Variants in CNTNAP2 observed in about 807,000 individuals in gnomAD.
CNTNAP2 encodes the protein contactin associated protein 2, also known as contactin-associated protein-like 2.
In CNTNAP2, 98 loss-of-function variants were observed where a neutral mutation model predicts 155.2. That is an observed-to-expected ratio of 0.63 (90% CI 0.54 to 0.75). The LOEUF (loss-of-function observed/expected upper bound fraction) is 0.75, where lower values mean the gene tolerates loss of function less well. CNTNAP2 is among the 30% of genes least tolerant of loss of function. The probability of loss-of-function intolerance (pLI) is 0.00; values close to 1 mark genes in which losing one functional copy is unlikely to be tolerated. For missense variants in CNTNAP2, 1,727 were observed against 1,688.1 expected (o/e 1.02, Z -0.40); for synonymous variants, 651 against 631.2 (o/e 1.03, Z -0.47).
At chr7:146,525,558 ATCTATCTATCTATCTATCTC>A (rs1407941128) in intron 1 of CNTNAP2, among the ~76,000 whole-genome samples, 21 of 147,218 alleles carry the variant, frequency 1.4e-4, no homozygotes, top group African/African-American at 4.9e-4. Context: ...CTATCTATCT[ATCTATCTATCTATCTATCTC>A]TCTATCTATC....
At chr7:146,298,020 A>G (rs937942247) in intron 1 of CNTNAP2, among the ~76,000 whole-genome samples, 16 of 152,208 alleles carry the variant, frequency 1.1e-4, no homozygotes, top group African/African-American at 3.1e-4. Flanking sequence ...TGCTGTGAGC[A>G]TGAAAGAAAG....
chr7:146,450,127 A>C (rs1350312543), intron 1 of CNTNAP2, among the ~76,000 whole-genome samples: 1 of 152,160 alleles, frequency 6.6e-6, no homozygotes, highest in Non-Finnish European at 1.5e-5. Context: ...AGGAGATAAA[A>C]CAACAACAAC....
chr7:147,691,382 T>C (rs1042770737), intron 13 of CNTNAP2, among the ~76,000 whole-genome samples: 3 of 152,016 alleles, frequency 2.0e-5, no homozygotes, highest in Admixed American at 1.3e-4. Flanking sequence ...AAATATTCCC[T>C]GTGTGGCTTA....
intron 1 of CNTNAP2, among the ~76,000 whole-genome samples, chr7:146,280,018 T>C (rs953136111): frequency 2.0e-5 from 3 of 152,136 alleles, no homozygotes; most frequent in African/African-American, 7.2e-5. Context: ...TTAAACTAGA[T>C]TGAAGTAACT....
rs576481866 is a variant in CNTNAP2, at chr7:147,354,088, C to T, written c.1499-41521C>T. Among the ~76,000 whole-genome samples, 65 of 152,122 alleles carry T rather than the reference C, an allele frequency of 4.3e-4. 2 individuals carry two copies. In the South Asian group the frequency reaches 0.014, roughly 32 times the overall value. ...AATTTTCTCCCATTCTGTAGGTTGCCTAGTCACTCTGATGATAGTTTCTTT... is the reference window on the plus strand; with the variant it reads ...AATTTTCTCCCATTCTGTAGGTTGCTTAGTCACTCTGATGATAGTTTCTTT... On this transcript the variant is annotated intron_variant, in intron 9 of 23. Transcript: ENST00000361727.
chr7:147,902,778 TTGTGTGTGTGTG>T (rs564991239), intron 13 of CNTNAP2, among the ~76,000 whole-genome samples: 1,418 of 136,818 alleles, frequency 0.01, 29 homozygotes, highest in African/African-American at 0.037. Flanking sequence ...TCATATATGT[TTGTGTGTGTGTG>T]TGTGTGTGTG....
intron 1 of CNTNAP2, among the ~76,000 whole-genome samples, chr7:146,373,785 A>C (rs961675754): frequency 6.6e-6 from 1 of 152,216 alleles, no homozygotes; most frequent in Admixed American, 6.5e-5. Flanking sequence ...CATACGGAAG[A>C]TCCACAATGG....
intron 1 of CNTNAP2, among the ~76,000 whole-genome samples, chr7:146,132,657 T>C (rs1343058194): frequency 2.0e-5 from 3 of 150,276 alleles, no homozygotes; most frequent in African/African-American, 2.4e-5. Context: ...TGAGTGAGAA[T>C]ATGCGGTGTT....
At chr7:147,682,281 A>G (rs1220921548) in intron 13 of CNTNAP2, among the ~76,000 whole-genome samples, 2 of 151,972 alleles carry the variant, frequency 1.3e-5, no homozygotes, top group African/African-American at 2.4e-5. Context: ...ACTGCTAATT[A>G]GAATATGCAA....
chr7:147,940,496 TA>T (rs1185673071), intron 14 of CNTNAP2, among the ~76,000 whole-genome samples: 2 of 151,998 alleles, frequency 1.3e-5, no homozygotes, highest in African/African-American at 2.4e-5. Flanking sequence ...TTTCTACACA[TA>T]AAAGAGATTC....
At chr7:146,370,369 C>A (rs1047579357) in intron 1 of CNTNAP2, among the ~76,000 whole-genome samples, 1 of 150,480 alleles carries the variant, frequency 6.6e-6, no homozygotes, top group Non-Finnish European at 1.5e-5. Flanking sequence ...ACCCAGCATG[C>A]GGAGGTTGCA....
intron 8 of CNTNAP2, among the ~76,000 whole-genome samples, chr7:147,283,919 T>A (rs1193280151): frequency 6.6e-6 from 1 of 151,848 alleles, no homozygotes; most frequent in Non-Finnish European, 1.5e-5. Flanking sequence ...CCCAAGATTC[T>A]ATGACGTTAC....
At position 146,246,456 on chromosome 7, in the gene CNTNAP2, C is replaced by T. The variant is rs1000305984; in HGVS notation, c.97+129483C>T. ...GTGGGGGTTTTAAGAGGTTTAGAAGCCTGGCCGTCAATACCCACAACAGTT... is the reference window on the plus strand; with the variant it reads ...GTGGGGGTTTTAAGAGGTTTAGAAGTCTGGCCGTCAATACCCACAACAGTT... On this transcript the variant is annotated intron_variant, in intron 1 of 23. Transcript: ENST00000361727. 2.2e-4 allele frequency among the ~76,000 whole-genome samples: 33 copies of T among 149,410 alleles called. 3 individuals carry two copies. Among genetic ancestry groups the T allele is most frequent in the African/African-American group, 7.4e-4 (29 of 39,060 alleles).
intron 13 of CNTNAP2, among the ~76,000 whole-genome samples, chr7:147,718,120 T>C (rs1392757880): frequency 6.6e-6 from 1 of 152,250 alleles, no homozygotes; most frequent in Non-Finnish European, 1.5e-5. Flanking sequence ...GTCAGCATGA[T>C]TAATTGTAAT....
chr7:147,871,001 A>G (rs1177908665), intron 13 of CNTNAP2, among the ~76,000 whole-genome samples: 1 of 152,074 alleles, frequency 6.6e-6, no homozygotes. Context: ...GCATAGCCTT[A>G]CTTTTGGCTG....
At chr7:146,763,607 A>G (rs1436834641) in intron 1 of CNTNAP2, among the ~76,000 whole-genome samples, 1 of 152,188 alleles carries the variant, frequency 6.6e-6, no homozygotes, top group East Asian at 1.9e-4. Context: ...ATGTTATAAA[A>G]TCAATATATG....
At chr7:148,283,512 G>A (rs937853477) in intron 21 of CNTNAP2, among the ~76,000 whole-genome samples, 5 of 152,256 alleles carry the variant, frequency 3.3e-5, no homozygotes, top group Middle Eastern at 3.4e-3. Flanking sequence ...GTTATTTGCA[G>A]ACATGTGCTG....
chr7:148,389,350 G>A (rs573009402), intron 22 of CNTNAP2, among the ~76,000 whole-genome samples: 63 of 152,192 alleles, frequency 4.1e-4, no homozygotes, highest in African/African-American at 1.3e-3. Flanking sequence ...ATAAAGGGGA[G>A]TTTCCCTGCA....
intron 13 of CNTNAP2, among the ~76,000 whole-genome samples, chr7:147,855,611 A>G (rs1799022617): frequency 6.6e-6 from 1 of 151,962 alleles, no homozygotes; most frequent in South Asian, 2.1e-4. Context: ...ACATGGTAAA[A>G]CCCGGTCTCT....
Sources: gnomAD v4.1 joint callset for allele counts (sites outside exome capture counted in the v4.1 genomes callset) on GRCh38, gnomAD v4.1.1 for gene constraint, MANE v1.5 for transcripts, NCBI Gene and HGNC (gene_info 2026-07-23, HGNC 2026-07-21) for gene names.